Variants in PDSS2 observed in about 807,000 individuals in gnomAD.
The protein encoded by PDSS2 is decaprenyl diphosphate synthase subunit 2.
In PDSS2, 31 loss-of-function variants were observed where a neutral mutation model predicts 44.5. That is an observed-to-expected ratio of 0.70 (90% CI 0.52 to 0.94). The LOEUF (loss-of-function observed/expected upper bound fraction) is 0.94, where lower values mean the gene tolerates loss of function less well. Among genes scored for constraint, PDSS2 ranks in the 40% least tolerant of loss-of-function variants. The probability of loss-of-function intolerance (pLI) is 0.00; values close to 1 mark genes in which losing one functional copy is unlikely to be tolerated. For synonymous variants in PDSS2, 157 were observed against 180.3 expected (o/e 0.87, Z 1.03); for missense variants, 452 against 482.2 (o/e 0.94, Z 0.59).
chr6:107,326,630 T>A (rs934079373), intron 2 of PDSS2, among the ~76,000 whole-genome samples: 48 of 151,704 alleles, frequency 3.2e-4, no homozygotes, highest in African/African-American at 1.1e-3. Flanking sequence ...GGAGGGCAGA[T>A]CACTTGAGGC....
At chr6:107,232,845 CT>C (rs1439880264) in intron 4 of PDSS2, among the ~76,000 whole-genome samples, 319 of 145,906 alleles carry the variant, frequency 2.2e-3, no homozygotes, top group Middle Eastern at 3.6e-3. Flanking sequence ...TTCTTTCTTT[CT>C]TTTTTTTTTT....
At chr6:107,418,617 C>CA (rs1468773384) in intron 1 of PDSS2, among the ~76,000 whole-genome samples, 1 of 151,532 alleles carries the variant, frequency 6.6e-6, no homozygotes. Context: ...GCCAAAAATA[C>CA]AAAAAAAATT....
At chr6:107,427,824 T>G (rs1280494550) in intron 1 of PDSS2, among the ~76,000 whole-genome samples, 1 of 152,232 alleles carries the variant, frequency 6.6e-6, no homozygotes, top group African/African-American at 2.4e-5. Flanking sequence ...AAAAATGGTT[T>G]GTAGATAGCC....
At chr6:107,166,846 A>C (rs1441652766) in intron 7 of PDSS2, among the ~76,000 whole-genome samples, 3 of 152,176 alleles carry the variant, frequency 2.0e-5, no homozygotes, top group Non-Finnish European at 2.9e-5. Flanking sequence ...CATGGTGGAT[A>C]AGCTTTTTGA....
intron 1 of PDSS2, among the ~76,000 whole-genome samples, chr6:107,413,887 T>C (rs1034860575): frequency 3.3e-5 from 5 of 152,136 alleles, no homozygotes; most frequent in African/African-American, 7.2e-5. Flanking sequence ...ACTGTGGCAA[T>C]TGAAGAATAT....
At chr6:107,219,636 G>A (rs771207327) in intron 4 of PDSS2, among the ~76,000 whole-genome samples, 3 of 152,056 alleles carry the variant, frequency 2.0e-5, no homozygotes, top group Non-Finnish European at 2.9e-5. Context: ...TTTGAGGAGC[G>A]CTCTCAAATA....
intron 3 of PDSS2, among the ~76,000 whole-genome samples, chr6:107,261,873 C>T (rs1245737009): frequency 6.7e-6 from 1 of 149,958 alleles, no homozygotes; most frequent in Non-Finnish European, 1.5e-5. Context: ...GCCACCGTGC[C>T]TGGCCCGTCT....
intron 7 of PDSS2, chr6:107,192,531 C>T (rs1772415478): frequency 9.0e-6 from 3 of 334,686 alleles, no homozygotes; most frequent in South Asian, 5.4e-5. Flanking sequence ...AAGCTTCCCA[C>T]ACCCTACCGC....
intron 4 of PDSS2, among the ~76,000 whole-genome samples, chr6:107,241,235 C>T (rs549519766): frequency 1.3e-4 from 14 of 111,410 alleles, no homozygotes; most frequent in African/African-American, 4.4e-4. Context: ...GGCAACAGAG[C>T]GAGACTCGGT....
intron 1 of PDSS2, among the ~76,000 whole-genome samples, chr6:107,445,331 T>C (rs1781637644): frequency 6.6e-6 from 1 of 152,116 alleles, no homozygotes; most frequent in Non-Finnish European, 1.5e-5. Flanking sequence ...TACCAATCTA[T>C]GTCACATACC....
chr6:107,384,765 C>T (rs915605293), intron 1 of PDSS2, among the ~76,000 whole-genome samples: 1 of 152,044 alleles, frequency 6.6e-6, no homozygotes, highest in African/African-American at 2.4e-5. Flanking sequence ...CACACACACA[C>T]TCACACTCAC....
chr6:107,223,171 C>T (rs58893831), intron 4 of PDSS2, among the ~76,000 whole-genome samples: 6 of 150,688 alleles, frequency 4.0e-5, no homozygotes, highest in East Asian at 2.0e-4. Flanking sequence ...CCTCATGATC[C>T]GCCCGCCTCA....
intron 3 of PDSS2, among the ~76,000 whole-genome samples, chr6:107,271,037 T>C (rs1219162905): frequency 6.6e-6 from 1 of 152,216 alleles, no homozygotes; most frequent in Non-Finnish European, 1.5e-5. Flanking sequence ...TCACTTAGCA[T>C]AGTCATTTCT....
chr6:107,396,387 C>T (rs1412345133), intron 1 of PDSS2, among the ~76,000 whole-genome samples: 1 of 152,190 alleles, frequency 6.6e-6, no homozygotes, highest in Non-Finnish European at 1.5e-5. Flanking sequence ...AGGCAGAAAG[C>T]CAAGACAATC....
intron 4 of PDSS2, among the ~76,000 whole-genome samples, chr6:107,229,430 G>A (rs1375786796): frequency 2.4e-4 from 36 of 152,052 alleles, no homozygotes; most frequent in Non-Finnish European, 1.5e-5. Context: ...TGATTCACCC[G>A]CCTTGGCCTC....
At chr6:107,310,067 T>C (rs2430468) in intron 2 of PDSS2, among the ~76,000 whole-genome samples, 110,485 of 151,904 alleles carry the variant, frequency 0.73, 41,916 homozygotes, top group East Asian at 0.92. Flanking sequence ...AAGTGGATCA[T>C]GAGGTCAGGA....
intron 3 of PDSS2, among the ~76,000 whole-genome samples, chr6:107,248,516 T>TA (rs34881663): frequency 1.9e-3 from 229 of 122,202 alleles, no homozygotes; most frequent in Middle Eastern, 4.4e-3. Context: ...AGGGAACTGT[T>TA]AAAAAAAAAA....
intron 1 of PDSS2, among the ~76,000 whole-genome samples, chr6:107,406,736 A>G (rs1008102700): frequency 1.3e-5 from 2 of 152,230 alleles, no homozygotes; most frequent in Non-Finnish European, 2.9e-5. Context: ...GGCTATATCA[A>G]GAAGGTCAAA....
At chr6:107,395,146 A>T (rs1039694732) in intron 1 of PDSS2, among the ~76,000 whole-genome samples, 2 of 151,866 alleles carry the variant, frequency 1.3e-5, no homozygotes, top group Admixed American at 1.3e-4. Context: ...ATAGTTTCTG[A>T]TATGTCTTGA....
Sources: allele counts gnomAD v4.1 joint callset (sites outside exome capture counted in the v4.1 genomes callset), GRCh38; gene constraint gnomAD v4.1.1; transcripts MANE v1.5; gene names NCBI Gene and HGNC (gene_info 2026-07-23, HGNC 2026-07-21).